Variants in PAPOLG observed in about 807,000 individuals in gnomAD.
The protein encoded by PAPOLG is poly(A) polymerase gamma, also known as PAP-gamma.
PAPOLG carries 40 observed loss-of-function variants against 99.0 expected under a neutral mutation model. That is an observed-to-expected ratio of 0.40 (90% CI 0.31 to 0.53). The LOEUF is 0.53. Ranked by LOEUF, PAPOLG falls within the 20% of genes least tolerant of loss-of-function variation. The probability of loss-of-function intolerance (pLI) is 0.41; values close to 1 mark genes in which losing one functional copy is unlikely to be tolerated. For missense variants in PAPOLG, 675 were observed against 884.1 expected (o/e 0.76, Z 3.00); for synonymous variants, 310 against 299.3 (o/e 1.04, Z -0.37).
chr2:60,761,435 T>G (rs541469632), intron 2 of PAPOLG, among the ~76,000 whole-genome samples: 1 of 152,322 alleles, frequency 6.6e-6, no homozygotes, highest in South Asian at 2.1e-4. Flanking sequence ...CCAAGAAAGT[T>G]GACAGTTCAC....
At position 60,760,209 on chromosome 2, in the gene PAPOLG, A is replaced by G; in HGVS notation, c.93A>G (p.Lys31=). The change falls in exon 2 of 22, where the codon AAA becomes AAG. Residue 31 remains lysine, a synonymous_variant. Coordinates refer to ENST00000238714, the MANE Select transcript of PAPOLG (RefSeq NM_022894.4). The part of the protein sequence containing the change: ...ITSPISLASP[K]EIDHIYTQKL... Reference sequence around the variant, plus strand: ...CCCCAATTAGTTTGGCATCTCCTAAAGAAATTGATCATATTTACACACAGA... The same window carrying G: ...CCCCAATTAGTTTGGCATCTCCTAAGGAAATTGATCATATTTACACACAGA... 2 of 1,614,038 alleles carry G rather than the reference A, an allele frequency of 1.2e-6. No individual in the cohort carries two copies. The highest frequency in any genetic ancestry group is 2.2e-5 in the East Asian group (1 of 44,874).
chr2:60,780,797 G>T lies in PAPOLG; in HGVS notation c.906+18G>T. 6.3e-7 allele frequency: 1 copy of T among 1,577,904 alleles called. No individual in the cohort carries two copies. Among genetic ancestry groups the T allele is most frequent in the Non-Finnish European group, 8.7e-7 (1 of 1,147,222 alleles). ...ATCCTCGGGTATGTGATTTATTATG[G>T]AGTTTCTTTAAAGCTTTTAAGGAAG... On this transcript the variant is annotated intron_variant, in intron 10 of 21. Coordinates refer to ENST00000238714, the MANE Select transcript of PAPOLG (RefSeq NM_022894.4).
At chr2:60,795,921 A>AG (rs1671680430) in intron 21 of PAPOLG, among the ~76,000 whole-genome samples, 1 of 152,154 alleles carries the variant, frequency 6.6e-6, no homozygotes, top group African/African-American at 2.4e-5. Context: ...AGTACAAAAG[A>AG]GTGAAATGAC....
At chr2:60,782,072 G>C in intron 11 of PAPOLG, 67 bp downstream of exon 11, 1 of 1,489,672 alleles carries the variant, frequency 6.7e-7, no homozygotes, top group East Asian at 2.3e-5. Context: ...TTTATTCTCT[G>C]TTGCAGCTAT....
intron 3 of PAPOLG, among the ~76,000 whole-genome samples, chr2:60,762,283 T>C (rs1205870264): frequency 6.6e-6 from 1 of 152,082 alleles, no homozygotes. Context: ...CCTGCTTGGT[T>C]CCTAAGACAT....
At chr2:60,772,302 T>C (rs1394855832) in intron 7 of PAPOLG, among the ~76,000 whole-genome samples, 1 of 151,742 alleles carries the variant, frequency 6.6e-6, no homozygotes, top group Non-Finnish European at 1.5e-5. Context: ...AAACATTTAG[T>C]TGGATGTAGT....
In PAPOLG at chr2:60,793,732, G is replaced by A. The variant is rs781217583; in HGVS notation, c.1768+17G>A. The A allele has an allele frequency of 1.1e-5, 17 of 1,600,288 alleles. No homozygotes were observed. The highest frequency in any genetic ancestry group is 1.7e-4 in the Middle Eastern group (1 of 6,028). On this transcript the variant is annotated intron_variant, in intron 18 of 21. Coordinates refer to ENST00000238714, the MANE Select transcript of PAPOLG (RefSeq NM_022894.4). The stretch of plus-strand genomic sequence containing the variant: ...TTGGCGCAAGTAGGTATCTAAACTT[G>A]TATATATTAATAATTATATTTACAA...
intron 15 of PAPOLG, among the ~76,000 whole-genome samples, chr2:60,789,943 A>G (rs1671479573): frequency 6.6e-6 from 1 of 152,074 alleles, no homozygotes; most frequent in South Asian, 2.1e-4. Context: ...AATATACAAA[A>G]ATTAGCCAGG....
At chr2:60,791,903 C>T (rs773705590) in intron 16 of PAPOLG, 21 bp downstream of exon 16, 2 of 1,607,038 alleles carry the variant, frequency 1.2e-6, no homozygotes, top group South Asian at 2.2e-5. Flanking sequence ...AATCTTAACC[C>T]TTCAGTATGG....
At chr2:60,771,460 G>A in intron 6 of PAPOLG, 59 bp from the exon 7 acceptor site, 1 of 1,524,560 alleles carries the variant, frequency 6.6e-7, no homozygotes, top group Non-Finnish European at 8.7e-7. Context: ...TGGGATGGGA[G>A]AGGATGGATT....
rs578239053 is a variant in PAPOLG at position 60,757,369 on chromosome 2, T to C, written c.17+874T>C. Among the ~76,000 whole-genome samples the C allele has an allele frequency of 2.6e-5, 4 of 152,346 alleles. No homozygotes were observed. The East Asian group carries it at 7.7e-4, about 29-fold the overall frequency. On this transcript the variant is annotated intron_variant, in intron 1 of 21. Coordinates refer to ENST00000238714, the MANE Select transcript of PAPOLG (RefSeq NM_022894.4). ...TCTCTTGCTCCAGATGTCTCCACAG[T>C]CTTGAATTTGATGTTTATCGTTGCT...
At position 60,801,210 on chromosome 2, in the gene PAPOLG, A is replaced by G. The variant is rs148813849; in HGVS notation, c.*4050A>G. 136 of 152,436 alleles carry G rather than the reference A, an allele frequency of 8.9e-4. No homozygotes were observed. The highest frequency in any genetic ancestry group is 3.0e-3 in the African/African-American group (125 of 41,566). 9.4% of individuals were successfully genotyped at this position (152,436 alleles called of 1,614,324 possible). ...CTCCTCCATGTTTGTAGTTCAGGCC[A>G]GAACAAACTAAACAGACCAATAAAT... On this transcript the variant is annotated 3_prime_UTR_variant, in exon 22 of 22. Transcript: ENST00000238714.
At chr2:60,785,082 G>C (rs1033334698) in intron 13 of PAPOLG, among the ~76,000 whole-genome samples, 8 of 152,116 alleles carry the variant, frequency 5.3e-5, no homozygotes, top group Admixed American at 3.3e-4. Flanking sequence ...GCAGAAATCC[G>C]ATGAGACTTG....
chr2:60,796,095 G>A (rs372005215), intron 21 of PAPOLG, among the ~76,000 whole-genome samples: 53 of 151,536 alleles, frequency 3.5e-4, no homozygotes, highest in African/African-American at 1.2e-3. Context: ...TTGTTTTAAT[G>A]CATATGGATA....
chr2:60,768,929 T>G, intron 5 of PAPOLG, 39 bp downstream of exon 5: 1 of 1,410,324 alleles, frequency 7.1e-7, no homozygotes, highest in Non-Finnish European at 9.6e-7. Context: ...GAATTTAGAT[T>G]AGTAACAAAT....
intron 19 of PAPOLG, 187 bp from the exon 20 acceptor site, chr2:60,794,523 C>A (rs1278660600): frequency 4.9e-6 from 3 of 609,216 alleles, no homozygotes; most frequent in Non-Finnish European, 8.4e-6. Context: ...CCAAAAAGAT[C>A]ACCCAAACTG....
intron 2 of PAPOLG, among the ~76,000 whole-genome samples, chr2:60,761,187 G>A (rs537599617): frequency 3.0e-4 from 46 of 152,212 alleles, no homozygotes; most frequent in African/African-American, 1.1e-3. Flanking sequence ...TTGGACAGAC[G>A]TTCAGTTTTG....
intron 3 of PAPOLG, among the ~76,000 whole-genome samples, chr2:60,765,530 C>CA (rs1245989673): frequency 2.0e-5 from 3 of 151,938 alleles, no homozygotes; most frequent in Non-Finnish European, 2.9e-5. Flanking sequence ...AGCCACCACT[C>CA]ACAGCCTGTA....
intron 7 of PAPOLG, among the ~76,000 whole-genome samples, chr2:60,772,384 C>T (rs1670878867): frequency 6.7e-6 from 1 of 150,042 alleles, no homozygotes; most frequent in Non-Finnish European, 1.5e-5. Context: ...GAGGTGGAGG[C>T]TGCAGTGAGC....
Sources: gnomAD v4.1 joint callset for allele counts (sites outside exome capture counted in the v4.1 genomes callset) on GRCh38, gnomAD v4.1.1 for gene constraint, MANE v1.5 for transcripts, NCBI Gene and HGNC (gene_info 2026-07-23, HGNC 2026-07-21) for gene names.